MDGA2: variants seen among roughly 807,000 people sequenced by gnomAD.
MDGA2 encodes MAM domain containing glycosylphosphatidylinositol anchor 2.
MDGA2 carries 40 observed loss-of-function variants against 117.8 expected under a neutral mutation model. The observed-to-expected ratio is 0.34, with a 90% CI of 0.26 to 0.44. The LOEUF is 0.44. MDGA2 is among the 20% of genes least tolerant of loss of function. The pLI is 1.00. For synonymous variants in MDGA2, 452 were observed against 439.0 expected (o/e 1.03, Z -0.37); for missense variants, 1,123 against 1,250.6 (o/e 0.90, Z 1.54).
intron 2 of MDGA2, among the ~76,000 whole-genome samples, chr14:47,296,890 A>T (rs1889092814): frequency 6.6e-6 from 1 of 152,220 alleles, no homozygotes; most frequent in Admixed American, 6.5e-5. Context: ...CAGTGCACCC[A>T]TACAAAGAAC....
intron 1 of MDGA2, among the ~76,000 whole-genome samples, chr14:47,399,591 A>G (rs530757519): frequency 1.3e-5 from 2 of 152,304 alleles, no homozygotes; most frequent in East Asian, 3.9e-4. Flanking sequence ...CATCGTGGCT[A>G]AATTCTAAGG....
intron 2 of MDGA2, among the ~76,000 whole-genome samples, chr14:47,258,241 T>C (rs1887685872): frequency 6.6e-6 from 1 of 152,114 alleles, no homozygotes; most frequent in Non-Finnish European, 1.5e-5. Context: ...AAGAACTACC[T>C]GAGATTGGGT....
chr14:47,205,188 T>C (rs1885641387), intron 3 of MDGA2, among the ~76,000 whole-genome samples: 1 of 151,938 alleles, frequency 6.6e-6, no homozygotes, highest in South Asian at 2.1e-4. Context: ...CCATTCTCCC[T>C]GTCAGAAAAA....
intron 1 of MDGA2, among the ~76,000 whole-genome samples, chr14:47,665,805 C>T (rs1345021804): frequency 2.1e-4 from 4 of 19,460 alleles, no homozygotes; most frequent in African/African-American, 4.0e-4. Flanking sequence ...CCCCCTCCCT[C>T]GCCCCCCCTC....
intron 15 of MDGA2, among the ~76,000 whole-genome samples, chr14:46,851,577 C>T (rs542650302): frequency 6.6e-6 from 1 of 151,778 alleles, no homozygotes; most frequent in African/African-American, 2.4e-5. Flanking sequence ...AAAGGACTGT[C>T]CAAGTAATTT....
intron 3 of MDGA2, among the ~76,000 whole-genome samples, chr14:47,206,872 CAG>C (rs1405488348): frequency 1.3e-5 from 2 of 151,940 alleles, no homozygotes; most frequent in African/African-American, 4.8e-5. Flanking sequence ...GCCTGGGCAA[CAG>C]AGTGAGACCT....
At position 47,442,146 on chromosome 14, in the gene MDGA2, G is replaced by C. The variant is rs186478368; in HGVS notation, c.281-140596C>G. On this transcript the variant is annotated intron_variant, in intron 1 of 16. Transcript: ENST00000399232. ...TTTTAACAATATAATTGATAATAGAGGCAATGGAGAGGATACTTTGAGTTC... is the reference window on the plus strand; with the variant it reads ...TTTTAACAATATAATTGATAATAGACGCAATGGAGAGGATACTTTGAGTTC... Among the ~76,000 whole-genome samples, 39 of 152,244 alleles carry C rather than the reference G, an allele frequency of 2.6e-4. No homozygotes were observed. The East Asian group carries it at 6.6e-3, about 26-fold the overall frequency.
intron 3 of MDGA2, among the ~76,000 whole-genome samples, chr14:47,182,169 C>G (rs1048713404): frequency 3.1e-4 from 47 of 151,902 alleles, no homozygotes; most frequent in African/African-American, 1.1e-3. Flanking sequence ...ATTCTTATCT[C>G]TTTATATAGA....
intron 8 of MDGA2, among the ~76,000 whole-genome samples, chr14:47,013,752 A>G (rs12883083): frequency 0.052 from 6,885 of 133,198 alleles, 305 homozygotes; most frequent in Non-Finnish European, 0.072. Context: ...GTTATTAGGT[A>G]TGAAAACATT....
intron 2 of MDGA2, among the ~76,000 whole-genome samples, chr14:47,293,380 T>C (rs963366928): frequency 1.3e-5 from 2 of 152,192 alleles, no homozygotes; most frequent in South Asian, 2.1e-4. Flanking sequence ...AAGAGTACTT[T>C]ATTCTTAAAT....
chr14:47,406,891 A>G (rs1892271510), intron 1 of MDGA2, among the ~76,000 whole-genome samples: 1 of 152,026 alleles, frequency 6.6e-6, no homozygotes, highest in Non-Finnish European at 1.5e-5. Flanking sequence ...TGACAATTTG[A>G]TGTTTTTTCT....
chr14:47,167,512 G>T (rs188156884), intron 3 of MDGA2, among the ~76,000 whole-genome samples: 4 of 152,214 alleles, frequency 2.6e-5, no homozygotes, highest in African/African-American at 9.6e-5. Context: ...AAAATCAGTA[G>T]CAGTAGTGTT....
At chr14:47,251,167 T>C (rs1887432050) in intron 2 of MDGA2, among the ~76,000 whole-genome samples, 1 of 152,222 alleles carries the variant, frequency 6.6e-6, no homozygotes, top group Admixed American at 6.5e-5. Context: ...CATATATGTT[T>C]GGTTTTCTGT....
chr14:47,455,406 G>A (rs535883561), intron 1 of MDGA2, among the ~76,000 whole-genome samples: 3 of 152,026 alleles, frequency 2.0e-5, no homozygotes, highest in South Asian at 2.1e-4. Flanking sequence ...CTTGAGAGGC[G>A]GAGGCACAAG....
intron 5 of MDGA2, among the ~76,000 whole-genome samples, chr14:47,124,089 T>C (rs1479888575): frequency 1.3e-5 from 2 of 152,100 alleles, no homozygotes; most frequent in African/African-American, 4.8e-5. Context: ...ACCTGGATTA[T>C]TATCTATGAT....
intron 3 of MDGA2, among the ~76,000 whole-genome samples, chr14:47,207,646 A>G (rs1433909128): frequency 1.3e-5 from 2 of 151,926 alleles, no homozygotes; most frequent in African/African-American, 4.8e-5. Context: ...GCGCTTAGGG[A>G]GGGACACCTG....
intron 4 of MDGA2, among the ~76,000 whole-genome samples, chr14:47,137,476 G>C (rs1211652462): frequency 2.6e-5 from 4 of 152,042 alleles, no homozygotes; most frequent in Non-Finnish European, 5.9e-5. Flanking sequence ...ATTTCCTTGA[G>C]AGCTGGTTGT....
intron 2 of MDGA2, among the ~76,000 whole-genome samples, chr14:47,231,319 C>T (rs1886681704): frequency 6.6e-6 from 1 of 152,030 alleles, no homozygotes; most frequent in South Asian, 2.1e-4. Context: ...CCTAAATTTA[C>T]AGATGAGGAA....
At chr14:47,013,723 G>A (rs953498395) in intron 8 of MDGA2, among the ~76,000 whole-genome samples, 1 of 142,936 alleles carries the variant, frequency 7.0e-6, no homozygotes, top group Non-Finnish European at 1.5e-5. Flanking sequence ...GGATTCATGG[G>A]CTGCGGAATG....
Sources: allele counts gnomAD v4.1 joint callset (sites outside exome capture counted in the v4.1 genomes callset), GRCh38; gene constraint gnomAD v4.1.1; transcripts MANE v1.5; gene names NCBI Gene and HGNC (gene_info 2026-07-23, HGNC 2026-07-21).